EPHB2: variants seen among roughly 807,000 people sequenced by gnomAD.
EPHB2 encodes EPH receptor B2.
A neutral mutation model predicts 96.4 loss-of-function variants in EPHB2; 18 were observed. That is an observed-to-expected ratio of 0.19 (90% CI 0.13 to 0.28). The LOEUF is 0.28. Among genes scored for constraint, EPHB2 ranks in the 10% least tolerant of loss-of-function variants. The pLI is 1.00. For synonymous variants in EPHB2, 506 were observed against 534.1 expected, an observed-to-expected ratio of 0.95 and a Z score of 0.72; for missense variants, 989 against 1,355.4, an observed-to-expected ratio of 0.73 and a Z score of 4.25.
At chr1:22,747,986 G>A (rs771258245) in intron 1 of EPHB2, among the ~76,000 whole-genome samples, 2 of 152,186 alleles carry the variant, frequency 1.3e-5, no homozygotes, top group Non-Finnish European at 2.9e-5. Context: ...TTAAGGGCCT[G>A]GCAGGATAGC....
chr1:22,864,953 C>T lies in EPHB2; in HGVS notation c.1044C>T (p.Arg348=), dbSNP rs561374198. Residue 348 remains arginine (R), a synonymous_variant, in exon 5 of 16, where the codon CGC becomes CGT. Coordinates refer to ENST00000374630, the MANE Select transcript of EPHB2 (RefSeq NM_017449.5). ...TSLMLEWTPP[R]DSGGREDLVY... ...TCATGCTGGAGTGGACCCCTCCCCG[C>T]GACTCCGGAGGCCGAGAGGACCTCG... The T allele has an allele frequency of 4.4e-5, 71 of 1,603,434 alleles. No homozygotes were observed. Among genetic ancestry groups the T allele is most frequent in the Admixed American group, 1.2e-4 (7 of 59,560 alleles).
At chr1:22,856,736 G>C (rs1557715579) in intron 3 of EPHB2, among the ~76,000 whole-genome samples, 2 of 152,142 alleles carry the variant, frequency 1.3e-5, no homozygotes, top group Non-Finnish European at 2.9e-5. Flanking sequence ...AGTTGGGTGG[G>C]TGCTTTGTGG....
intron 1 of EPHB2, among the ~76,000 whole-genome samples, chr1:22,747,798 C>T (rs141143807): frequency 1.7e-3 from 264 of 152,326 alleles, no homozygotes; most frequent in African/African-American, 5.7e-3. Context: ...TGCTGTAGAG[C>T]GGAGCCGGTC....
chr1:22,746,514 C>A lies in EPHB2; in HGVS notation c.62-34907C>A, dbSNP rs552385191. ...CCTGTGGGCTCCTCCTTGAGCCCCA[C>A]CCTGTGTGTCTTCACACTTGGAGCA... On this transcript the variant is annotated intron_variant, in intron 1 of 15. Transcript: ENST00000374630. Among the ~76,000 whole-genome samples, 13 of 152,322 alleles carry A rather than the reference C, an allele frequency of 8.5e-5. No individual in the cohort carries two copies. In the South Asian group the frequency reaches 2.7e-3, roughly 32 times the overall value.
intron 1 of EPHB2, among the ~76,000 whole-genome samples, chr1:22,735,783 T>C (rs1643813997): frequency 6.6e-6 from 1 of 152,196 alleles, no homozygotes; most frequent in African/African-American, 2.4e-5. Context: ...ATGATTCCTA[T>C]AGGGCACTTG....
intron 3 of EPHB2, among the ~76,000 whole-genome samples, chr1:22,808,263 C>T (rs959984638): frequency 3.3e-5 from 5 of 152,246 alleles, no homozygotes; most frequent in Admixed American, 1.3e-4. Context: ...TGCGGTGCTG[C>T]ACCCACCCCA....
At chr1:22,776,189 C>A (rs1013820127) in intron 1 of EPHB2, among the ~76,000 whole-genome samples, 10 of 152,200 alleles carry the variant, frequency 6.6e-5, no homozygotes, top group Admixed American at 6.5e-4. Flanking sequence ...TTCCCACAAA[C>A]CCCGCTGTGG....
intron 9 of EPHB2, among the ~76,000 whole-genome samples, chr1:22,898,253 G>A (rs149448800): frequency 1.0e-3 from 156 of 152,260 alleles, no homozygotes; most frequent in African/African-American, 3.6e-3. Flanking sequence ...GAACAGTAAC[G>A]GACCGAGAGT....
At chr1:22,727,783 TA>T (rs1207658029) in intron 1 of EPHB2, among the ~76,000 whole-genome samples, 7,229 of 124,238 alleles carry the variant, frequency 0.058, 481 homozygotes, top group African/African-American at 0.19. Context: ...TTCTTTTCTT[TA>T]AAAAAAAAAA....
intron 3 of EPHB2, among the ~76,000 whole-genome samples, chr1:22,810,767 A>G (rs1644991940): frequency 6.6e-6 from 1 of 151,966 alleles, no homozygotes; most frequent in Admixed American, 6.6e-5. Flanking sequence ...GCCCCATCTG[A>G]TTCCTTGTCA....
chr1:22,730,294 G>A (rs1643678794), intron 1 of EPHB2, among the ~76,000 whole-genome samples: 1 of 152,208 alleles, frequency 6.6e-6, no homozygotes, highest in Admixed American at 6.5e-5. Context: ...CAGATCCAAC[G>A]GATATCAAGC....
intron 3 of EPHB2, among the ~76,000 whole-genome samples, chr1:22,849,689 C>T (rs1376273184): frequency 1.3e-5 from 2 of 152,194 alleles, no homozygotes; most frequent in African/African-American, 4.8e-5. Context: ...TAAAGTCCTT[C>T]GAGCCCTAAA....
intron 5 of EPHB2, among the ~76,000 whole-genome samples, chr1:22,871,191 C>T (rs1638653664): frequency 6.6e-6 from 1 of 152,198 alleles, no homozygotes; most frequent in Admixed American, 6.5e-5. Flanking sequence ...CTATCCCAGG[C>T]CAGGAAGTAA....
chr1:22,821,577 C>G (rs1645152878), intron 3 of EPHB2, among the ~76,000 whole-genome samples: 1 of 152,170 alleles, frequency 6.6e-6, no homozygotes, highest in South Asian at 2.1e-4. Flanking sequence ...ATCACAAAAC[C>G]TGAGTTATTG....
chr1:22,771,271 A>G (rs1420848023), intron 1 of EPHB2, among the ~76,000 whole-genome samples: 6 of 152,212 alleles, frequency 3.9e-5, no homozygotes, highest in Admixed American at 6.5e-5. Context: ...GATGGGAGAC[A>G]CATATAGGAC....
rs1640268589 is a variant in EPHB2 at position 22,916,399 on chromosome 1, C to T, written c.*2829C>T. The T allele has an allele frequency of 6.6e-6, 1 of 152,366 alleles. No homozygotes were observed. The highest frequency in any genetic ancestry group is 6.5e-5 in the Admixed American group (1 of 15,278). 9.4% of individuals were successfully genotyped at this position (152,366 alleles called of 1,614,324 possible). On this transcript the variant is annotated 3_prime_UTR_variant, in exon 16 of 16. Transcript: ENST00000374630. The surrounding 1 kb of genome is among the most constrained non-coding windows in gnomAD (Gnocchi z 4.2). ...CCCCCTGCAAACCTGCTTCCCAGAG[C>T]ACAGGTGCTACCAGACCTCTGTGTC...
chr1:22,841,044 A>C (rs554258028), intron 3 of EPHB2, among the ~76,000 whole-genome samples: 2 of 152,248 alleles, frequency 1.3e-5, no homozygotes, highest in East Asian at 3.9e-4. Context: ...AGGAGCAGAG[A>C]TTGCATCTCT....
At chr1:22,750,550 TA>T (rs1644045972) in intron 1 of EPHB2, among the ~76,000 whole-genome samples, 1 of 152,200 alleles carries the variant, frequency 6.6e-6, no homozygotes, top group Admixed American at 6.5e-5. Flanking sequence ...GCCTGCTGAT[TA>T]CTCATGGAGA....
rs200683541 is a variant in EPHB2, at chr1:22,714,720, G to C, written c.61+3677G>C. On this transcript the variant is annotated intron_variant, in intron 1 of 15. Coordinates refer to ENST00000374630, the MANE Select transcript of EPHB2 (RefSeq NM_017449.5). ...TGTGTGGTGACGTTCAGATGAGCCA[G>C]ATCTGGTCCTGGACAGTCACAGTAA... Among the ~76,000 whole-genome samples the C allele has an allele frequency of 1.3e-4, 20 of 152,336 alleles. No homozygotes were observed. The East Asian group carries it at 3.3e-3, about 25-fold the overall frequency.
Sources: allele counts gnomAD v4.1 joint callset (sites outside exome capture counted in the v4.1 genomes callset), GRCh38; gene constraint gnomAD v4.1.1; non-coding constraint Gnocchi (gnomAD v3.1); transcripts MANE v1.5; gene names NCBI Gene and HGNC (gene_info 2026-07-23, HGNC 2026-07-21).